CAPN5: variants seen among roughly 807,000 people sequenced by gnomAD.
CAPN5 encodes the protein calpain 5.
Under a neutral mutation model 73.0 loss-of-function variants are expected in CAPN5, and 54 were observed. The ratio of observed to expected loss-of-function variants is 0.74; its 90% CI spans 0.59 to 0.93. The LOEUF is 0.93. CAPN5 is among the 40% of genes least tolerant of loss of function. The pLI is 0.00. For missense variants in CAPN5, 785 were observed against 882.9 expected, an observed-to-expected ratio of 0.89 and a Z score of 1.41; for synonymous variants, 335 against 356.9, an observed-to-expected ratio of 0.94 and a Z score of 0.69.
intron 1 of CAPN5, among the ~76,000 whole-genome samples, chr11:77,080,527 A>G (rs112924964): frequency 2.6e-5 from 4 of 152,316 alleles, no homozygotes; most frequent in African/African-American, 9.6e-5. Flanking sequence ...CCCATCTACA[A>G]AATGGCTTAG....
intron 2 of CAPN5, among the ~76,000 whole-genome samples, chr11:77,092,687 A>G (rs1950160384): frequency 6.6e-6 from 1 of 152,248 alleles, no homozygotes; most frequent in South Asian, 2.1e-4. Context: ...GTAGAAAATA[A>G]AAATGGAGGC....
chr11:77,121,962 A>G lies in CAPN5; in HGVS notation c.1516A>G (p.Thr506Ala). The change falls in exon 11 of 13, where the codon ACC becomes GCC. Residue 506 changes from threonine to alanine, a missense_variant. Coordinates refer to ENST00000648180, the MANE Select transcript of CAPN5 (RefSeq NM_004055.5). ...RELRLDEPPH[T>A]CWSSLCGYPQ... ...GCTGCGCCTGGATGAGCCCCCACACACCTGCTGGAGCTCCCTCTGTGGCTA... is the reference window on the plus strand; with the variant it reads ...GCTGCGCCTGGATGAGCCCCCACACGCCTGCTGGAGCTCCCTCTGTGGCTA... 3 of 1,555,660 alleles carry G rather than the reference A, an allele frequency of 1.9e-6. No homozygotes were observed. Among genetic ancestry groups the G allele is most frequent in the Non-Finnish European group, 2.6e-6 (3 of 1,149,664 alleles).
chr11:77,090,733 C>T (rs1000634847), intron 2 of CAPN5, among the ~76,000 whole-genome samples: 1 of 152,092 alleles, frequency 6.6e-6, no homozygotes, highest in Non-Finnish European at 1.5e-5. Context: ...TGGCTGGGGT[C>T]CTCCGTATAT....
intron 3 of CAPN5, among the ~76,000 whole-genome samples, chr11:77,106,531 C>T (rs1950350427): frequency 6.6e-6 from 1 of 152,224 alleles, no homozygotes; most frequent in African/African-American, 2.4e-5. Context: ...CCAGCCCCGC[C>T]CTGCCAGCTG....
At chr11:77,120,136 C>G (rs147268438) in intron 9 of CAPN5, 2,639 of 152,380 alleles carry the variant, frequency 0.017, 31 homozygotes, top group African/African-American at 0.033. Flanking sequence ...CAGTCTCAAA[C>G]TCCTGGACTC....
intron 3 of CAPN5, among the ~76,000 whole-genome samples, chr11:77,094,874 G>T (rs575120847): frequency 6.6e-6 from 1 of 152,370 alleles, no homozygotes; most frequent in African/African-American, 2.4e-5. Flanking sequence ...AGAACATACA[G>T]GTACTCCTGT....
At chr11:77,102,539 G>T (rs186559388) in intron 3 of CAPN5, among the ~76,000 whole-genome samples, 1 of 152,246 alleles carries the variant, frequency 6.6e-6, no homozygotes, top group African/African-American at 2.4e-5. Flanking sequence ...TAGTCAGGGC[G>T]GTTGCCACAG....
intron 3 of CAPN5, among the ~76,000 whole-genome samples, chr11:77,108,648 T>C (rs1950377988): frequency 6.6e-6 from 1 of 152,098 alleles, no homozygotes; most frequent in Non-Finnish European, 1.5e-5. Flanking sequence ...GCTAGTCTTA[T>C]TTCCTCTACA....
chr11:77,071,172 A>G (rs1487052732), intron 1 of CAPN5, among the ~76,000 whole-genome samples: 2 of 151,352 alleles, frequency 1.3e-5, no homozygotes, highest in African/African-American at 2.4e-5. Flanking sequence ...TTCCCCAGTC[A>G]CAGTCCTGTT....
intron 3 of CAPN5, 86 bp from the exon 4 acceptor site, chr11:77,112,503 G>A (rs1221397861): frequency 1.3e-5 from 14 of 1,046,802 alleles, no homozygotes; most frequent in Admixed American, 5.2e-5. Context: ...ATTCCGATTC[G>A]CTGGAAGCAC....
intron 11 of CAPN5, 48 bp from the exon 12 acceptor site, chr11:77,122,528 A>G (rs1348997721): frequency 2.3e-6 from 2 of 868,628 alleles, no homozygotes; most frequent in Non-Finnish European, 1.8e-6. Flanking sequence ...TGGCCCTGCC[A>G]CAGCCCCCAC....
rs150044136 is a variant in CAPN5 at position 77,124,231 on chromosome 11, C to T, written c.*361C>T. ...CACGAACTGCCACATCCCCAAGCTCCGTTCTTGCCCCTCGTGTCCTAGGCC... is the reference window on the plus strand; with the variant it reads ...CACGAACTGCCACATCCCCAAGCTCTGTTCTTGCCCCTCGTGTCCTAGGCC... On this transcript the variant is annotated 3_prime_UTR_variant, in exon 13 of 13. Coordinates refer to ENST00000648180, the MANE Select transcript of CAPN5 (RefSeq NM_004055.5). The T allele has an allele frequency of 3.2e-3, 702 of 222,446 alleles. 1 individual carries two copies. The highest frequency in any genetic ancestry group is 0.015 in the African/African-American group (659 of 44,380). The allele number at this position is 222,446 out of a possible 1,614,324, so 13.8% of individuals were successfully genotyped here.
Position 77,123,749 on chromosome 11 carries a change from C to T in CAPN5, c.1802C>T (p.Pro601Leu), listed in dbSNP as rs782567376. The stretch of plus-strand genomic sequence containing the variant: ...GGCCAGGTGCACCTAAAGGCTGACC[C>T]GGACAACCTCCAGGCCCTGCATACC... ...FLGQVHLKAD[P>L]DNLQALHTLH... The change falls in exon 13 of 13, where the codon CCG (proline) becomes CTG (leucine). Residue 601 changes from proline to leucine, a missense_variant. Coordinates refer to ENST00000648180, the MANE Select transcript of CAPN5 (RefSeq NM_004055.5). 13 of 1,613,938 alleles carry T rather than the reference C, an allele frequency of 8.1e-6. No individual in the cohort carries two copies. Among genetic ancestry groups the T allele is most frequent in the Middle Eastern group, 1.6e-4 (1 of 6,062 alleles).
At chr11:77,091,058 C>G (rs1267588165) in intron 2 of CAPN5, among the ~76,000 whole-genome samples, 1 of 152,208 alleles carries the variant, frequency 6.6e-6, no homozygotes, top group Non-Finnish European at 1.5e-5. Context: ...GGCCAGGTCT[C>G]AGGAGCTGCT....
chr11:77,111,377 C>T (rs1282391792), intron 3 of CAPN5, among the ~76,000 whole-genome samples: 1 of 152,136 alleles, frequency 6.6e-6, no homozygotes, highest in African/African-American at 2.4e-5. Context: ...GCCTCCAAAG[C>T]ATGTGTGTAT....
Position 77,122,730 on chromosome 11 carries a change from G to A in CAPN5, c.1740+18G>A. ...CTGTACAGGTGAGCCCCCTGGTCCA[G>A]AGGCCACCTCCTGGGCTCCTAGCCT... is the stretch of plus-strand genomic sequence containing the variant. On this transcript the variant is annotated intron_variant, in intron 12 of 12. Transcript: ENST00000648180. The A allele has an allele frequency of 6.2e-7, 1 of 1,612,360 alleles. No individual in the cohort carries two copies. Among genetic ancestry groups the A allele is most frequent in the Non-Finnish European group, 8.5e-7 (1 of 1,179,584 alleles).
intron 1 of CAPN5, among the ~76,000 whole-genome samples, chr11:77,070,992 C>T (rs1277144884): frequency 6.6e-6 from 1 of 152,180 alleles, no homozygotes; most frequent in Non-Finnish European, 1.5e-5. Context: ...AATCCTTAAT[C>T]GCATCTTCAG....
intron 3 of CAPN5, among the ~76,000 whole-genome samples, chr11:77,108,307 A>G (rs1950372784): frequency 6.6e-6 from 1 of 152,168 alleles, no homozygotes. Flanking sequence ...GTGCCAGGAA[A>G]GGGGCTGCCT....
At chr11:77,121,814 T>G in intron 10 of CAPN5, 120 bp from the exon 11 acceptor site, 1 of 593,528 alleles carries the variant, frequency 1.7e-6, no homozygotes, top group African/African-American at 1.9e-5. Context: ...CAGGACTAAA[T>G]GAAATCAAGT....
Sources: allele counts gnomAD v4.1 joint callset (sites outside exome capture counted in the v4.1 genomes callset), GRCh38; gene constraint gnomAD v4.1.1; transcripts MANE v1.5; gene names NCBI Gene and HGNC (gene_info 2026-07-23, HGNC 2026-07-21).